The following RAB11FIP4 variants were observed in gnomAD, a reference collection of about 807,000 sequenced individuals.
RAB11FIP4 encodes the protein RAB11 family interacting protein 4.
A neutral mutation model predicts 74.3 loss-of-function variants in RAB11FIP4; 23 were observed. The observed-to-expected ratio is 0.31, with a 90% CI of 0.22 to 0.44. The LOEUF (loss-of-function observed/expected upper bound fraction) is 0.44. Ranked by LOEUF, RAB11FIP4 falls within the 20% of genes least tolerant of loss-of-function variation. RAB11FIP4 has a pLI of 1.00. For synonymous variants in RAB11FIP4, 360 were observed against 359.9 expected (o/e 1.00, Z 0.00); for missense variants, 630 against 863.9 (o/e 0.73, Z 3.39).
At chr17:31,517,206 TGGGGGGGGCGGG>T (rs2072572853) in intron 3 of RAB11FIP4, among the ~76,000 whole-genome samples, 2 of 20,250 alleles carry the variant, frequency 9.9e-5, no homozygotes, top group African/African-American at 1.4e-4. Context: ...GGGGGGGCGG[TGGGGGGGGCGGG>T]GGGGAAGGGG....
At chr17:31,492,852 C>T (rs1450649255) in intron 3 of RAB11FIP4, among the ~76,000 whole-genome samples, 1 of 95,960 alleles carries the variant, frequency 1.0e-5, no homozygotes, top group African/African-American at 4.9e-5. Flanking sequence ...GAGCCCCCCT[C>T]AAGAGCATTG....
chr17:31,505,476 T>TTATA (rs2072305410), intron 3 of RAB11FIP4, among the ~76,000 whole-genome samples: 3 of 65,980 alleles, frequency 4.5e-5, no homozygotes, highest in African/African-American at 1.1e-4. Context: ...ATAATAATAA[T>TTATA]TATAATATAT....
At chr17:31,403,235 G>A (rs1597898208) in intron 1 of RAB11FIP4, among the ~76,000 whole-genome samples, 1 of 151,980 alleles carries the variant, frequency 6.6e-6, no homozygotes, top group Non-Finnish European at 1.5e-5. Context: ...TGCAGCCACT[G>A]GTGATTTTCC....
At chr17:31,488,100 C>T in intron 3 of RAB11FIP4, 1 of 1,018,282 alleles carries the variant, frequency 9.8e-7, no homozygotes, top group East Asian at 9.3e-5. Flanking sequence ...GGCGGGGCCG[C>T]GCCTTCCACT....
intron 1 of RAB11FIP4, among the ~76,000 whole-genome samples, chr17:31,408,716 G>A (rs972700823): frequency 1.3e-5 from 2 of 152,204 alleles, no homozygotes; most frequent in African/African-American, 4.8e-5. Context: ...AGAGCTAAGC[G>A]GGGTGGGCAC....
chr17:31,400,228 T>C (rs2070972001), intron 1 of RAB11FIP4, among the ~76,000 whole-genome samples: 1 of 152,068 alleles, frequency 6.6e-6, no homozygotes, highest in East Asian at 1.9e-4. Flanking sequence ...AAAGAAACAT[T>C]AGTGCCGAAA....
intron 1 of RAB11FIP4, among the ~76,000 whole-genome samples, chr17:31,411,562 G>C (rs962511485): frequency 1.3e-5 from 2 of 152,158 alleles, no homozygotes; most frequent in Admixed American, 6.5e-5. Flanking sequence ...AGTCCTTTCT[G>C]ATACCCAGGA....
intron 1 of RAB11FIP4, among the ~76,000 whole-genome samples, chr17:31,409,157 A>G (rs568612954): frequency 1.3e-5 from 2 of 152,300 alleles, no homozygotes; most frequent in Admixed American, 6.5e-5. Context: ...TGGTGGAGGC[A>G]GGACCCCATC....
intron 3 of RAB11FIP4, among the ~76,000 whole-genome samples, chr17:31,449,331 G>A (rs938957606): frequency 7.2e-5 from 11 of 152,106 alleles, no homozygotes. Context: ...CGCCCCTGCT[G>A]GGTCCTTTCC....
In RAB11FIP4 at chr17:31,512,878, C is replaced by G. The variant is rs1205539445; in HGVS notation, c.337-4773C>G. Among the ~76,000 whole-genome samples, 2 of 152,086 alleles carry G rather than the reference C, an allele frequency of 1.3e-5. No homozygotes were observed. The highest frequency in any genetic ancestry group is 4.8e-5 in the African/African-American group (2 of 41,410). On this transcript the variant is annotated intron_variant, in intron 3 of 14. Transcript: ENST00000621161. This position sits in a 1 kb window ranked among gnomAD's most constrained non-coding sequence, Gnocchi z 4.1. ...ACAGCAGGCGGGAATGGGCAGGAAA[C>G]CGGGGCTCTGAGAGGCAGTCTTGGA... is the stretch of plus-strand genomic sequence containing the variant.
intron 3 of RAB11FIP4, among the ~76,000 whole-genome samples, chr17:31,471,207 C>T (rs1437145376): frequency 6.6e-6 from 1 of 151,456 alleles, no homozygotes; most frequent in Non-Finnish European, 1.5e-5. Context: ...GGACCACAGG[C>T]ACACACCACC....
rs1261985750 is a variant in RAB11FIP4, at chr17:31,450,332, T to TATTATTATTA, written c.336+16211_336+16220dup. ...CCCCCGCCACCGGCTTTATTATTAT[T>TATTATTATTA]ATTATTATTATTATTATTATTATTA... is the stretch of plus-strand genomic sequence containing the variant. On this transcript the variant is annotated intron_variant, in intron 3 of 14. Coordinates refer to ENST00000621161, the MANE Select transcript of RAB11FIP4 (RefSeq NM_032932.6). 1.1e-4 allele frequency among the ~76,000 whole-genome samples: 13 copies of TATTATTATTA among 115,354 alleles called. No homozygotes were observed. The South Asian group carries it at 3.0e-3, about 27-fold the overall frequency. The allele number at this position is 115,354 out of a possible 152,430, so 75.7% of individuals were successfully genotyped here. A position where few individuals can be genotyped will look rare whatever the true frequency, so the allele number is the denominator to read the frequency against.
intron 3 of RAB11FIP4, among the ~76,000 whole-genome samples, chr17:31,449,332 G>T (rs1048336224): frequency 2.0e-5 from 3 of 152,000 alleles, no homozygotes; most frequent in Non-Finnish European, 4.4e-5. Flanking sequence ...GCCCCTGCTG[G>T]GTCCTTTCCA....
intron 9 of RAB11FIP4, 187 bp downstream of exon 9, chr17:31,524,183 G>A: frequency 1.7e-6 from 1 of 579,142 alleles, no homozygotes; most frequent in Non-Finnish European, 3.1e-6. Flanking sequence ...TAGGGACAGG[G>A]AGACAGGTTG....
intron 14 of RAB11FIP4, chr17:31,530,844 C>G (rs571677270): frequency 5.0e-6 from 1 of 198,276 alleles, no homozygotes; most frequent in Admixed American, 5.3e-5. Flanking sequence ...CCTGCTTCTG[C>G]GGTGTGTTTT....
chr17:31,435,017 C>T (rs1043815136), intron 3 of RAB11FIP4, among the ~76,000 whole-genome samples: 4 of 146,534 alleles, frequency 2.7e-5, no homozygotes, highest in Non-Finnish European at 4.5e-5. Context: ...GAGACCCCGT[C>T]TCTACATAAA....
At chr17:31,467,092 A>G (rs1383094199) in intron 3 of RAB11FIP4, among the ~76,000 whole-genome samples, 1 of 131,936 alleles carries the variant, frequency 7.6e-6, no homozygotes, top group African/African-American at 2.8e-5. Context: ...CTAGCTCCTG[A>G]GTATTTCTTT....
rs1256991033 is a variant in RAB11FIP4, at chr17:31,528,450, G to A, written c.1401G>A (p.Arg467=). The change falls in exon 12 of 15, where the codon CGG becomes CGA. Residue 467 remains arginine (R), a synonymous_variant. Transcript: ENST00000621161. ...ACCGTCTGGAGGACACCAGCCTGCG[G>A]CTCAAAGATGAGATGGACCTGTACA... ...MSDRLEDTSL[R]LKDEMDLYKR... 3 of 1,613,336 alleles carry A rather than the reference G, an allele frequency of 1.9e-6. No homozygotes were observed. The highest frequency in any genetic ancestry group is 2.7e-5 in the African/African-American group (2 of 74,960).
chr17:31,527,748 C>CT, intron 10 of RAB11FIP4, 94 bp from the exon 11 acceptor site: 1 of 870,710 alleles, frequency 1.1e-6, no homozygotes, highest in Middle Eastern at 2.2e-4. Context: ...TATCTTTCCT[C>CT]TGGGAGGAAG....
Sources: allele counts gnomAD v4.1 joint callset (sites outside exome capture counted in the v4.1 genomes callset), GRCh38; gene constraint gnomAD v4.1.1; non-coding constraint Gnocchi (gnomAD v3.1); transcripts MANE v1.5; gene names NCBI Gene and HGNC (gene_info 2026-07-23, HGNC 2026-07-21).